The following HIRA variants were observed in gnomAD, a reference collection of about 807,000 sequenced individuals.
HIRA encodes the protein histone cell cycle regulator, also known as protein HIRA.
In HIRA, 13 loss-of-function variants were observed where a neutral mutation model predicts 126.6. That is an observed-to-expected ratio of 0.10 (90% CI 0.07 to 0.16). HIRA has a LOEUF of 0.16. Among genes scored for constraint, HIRA ranks in the 10% least tolerant of loss-of-function variants. The pLI, the probability that HIRA is intolerant of heterozygous loss-of-function variation, is 1.00. For missense variants in HIRA, 834 were observed against 1,314.4 expected (o/e 0.63, Z 5.65); for synonymous variants, 511 against 520.0 (o/e 0.98, Z 0.24).
intron 24 of HIRA, among the ~76,000 whole-genome samples, chr22:19,338,596 T>A (rs1198086801): frequency 6.6e-6 from 1 of 152,094 alleles, no homozygotes; most frequent in African/African-American, 2.4e-5. Context: ...TGGACTCACA[T>A]AAGTTGAGGG....
At chr22:19,337,793 A>G (rs2088582520) in intron 24 of HIRA, among the ~76,000 whole-genome samples, 1 of 151,872 alleles carries the variant, frequency 6.6e-6, no homozygotes, top group Non-Finnish European at 1.5e-5. Context: ...ACGAAAGCCT[A>G]TCGGATTTTT....
At chr22:19,429,420 G>T (rs2089514003) in intron 1 of HIRA, among the ~76,000 whole-genome samples, 1 of 151,994 alleles carries the variant, frequency 6.6e-6, no homozygotes, top group African/African-American at 2.4e-5. Flanking sequence ...ACAGGCATGT[G>T]CCACCGTGCC....
intron 8 of HIRA, among the ~76,000 whole-genome samples, chr22:19,393,952 C>A (rs2089202972): frequency 6.6e-6 from 1 of 152,224 alleles, no homozygotes. Flanking sequence ...CCTGCCGCAG[C>A]AAGATCTGGC....
chr22:19,363,310 A>C (rs535479885), intron 15 of HIRA, among the ~76,000 whole-genome samples: 154 of 138,972 alleles, frequency 1.1e-3, no homozygotes, highest in African/African-American at 4.4e-3. Flanking sequence ...CAAAAGACAA[A>C]GACAGATTAA....
chr22:19,369,354 G>A (rs1453769482), intron 15 of HIRA, among the ~76,000 whole-genome samples: 1 of 152,102 alleles, frequency 6.6e-6, no homozygotes, highest in Non-Finnish European at 1.5e-5. Context: ...CCCAACCACT[G>A]TGACGCACAA....
intron 14 of HIRA, among the ~76,000 whole-genome samples, chr22:19,376,975 C>G (rs1303473209): frequency 6.6e-6 from 1 of 152,228 alleles, no homozygotes; most frequent in Non-Finnish European, 1.5e-5. Context: ...CGTCTCCACT[C>G]TGGGGAAAAG....
intron 22 of HIRA, 143 bp from the exon 23 acceptor site, chr22:19,353,662 G>A: frequency 1.2e-6 from 1 of 853,434 alleles, no homozygotes; most frequent in South Asian, 1.8e-5. Flanking sequence ...CCAGTCTGTT[G>A]GCAGATGCCA....
At chr22:19,369,213 A>G (rs9605999) in intron 15 of HIRA, among the ~76,000 whole-genome samples, 23,826 of 151,978 alleles carry the variant, frequency 0.16, 3,959 homozygotes, top group African/African-American at 0.42. Flanking sequence ...TGGCCTTAGG[A>G]GAGGGTGGAG....
intron 4 of HIRA, 38 bp from the exon 5 acceptor site, chr22:19,405,918 G>T: frequency 7.4e-7 from 1 of 1,350,718 alleles, no homozygotes; most frequent in Non-Finnish European, 9.8e-7. Flanking sequence ...CTCATGGAGT[G>T]CTCTGGGCAC....
intron 24 of HIRA, among the ~76,000 whole-genome samples, chr22:19,350,214 T>C (rs1383090406): frequency 1.3e-5 from 2 of 152,146 alleles, no homozygotes; most frequent in Admixed American, 1.3e-4. Flanking sequence ...TTAGTCTGTC[T>C]CTCTCCATAA....
At chr22:19,357,557 G>A (rs116090758) in intron 18 of HIRA, among the ~76,000 whole-genome samples, 1,538 of 152,344 alleles carry the variant, frequency 0.01, 28 homozygotes, top group African/African-American at 0.034. Flanking sequence ...CAAGGAGTGC[G>A]TTACAGAACA....
intron 5 of HIRA, chr22:19,398,951 A>T (rs1462008123): frequency 5.2e-6 from 1 of 193,794 alleles, no homozygotes; most frequent in East Asian, 1.9e-4. Context: ...GCTGGGCAAC[A>T]GAGTAAGACC....
chr22:19,380,746 T>C (rs891100934), intron 13 of HIRA, among the ~76,000 whole-genome samples: 7 of 152,158 alleles, frequency 4.6e-5, no homozygotes, highest in African/African-American at 1.7e-4. Flanking sequence ...GGGATACAGG[T>C]AGTAGCTACA....
In HIRA at chr22:19,358,009, A is replaced by C. The variant is rs527334400; in HGVS notation, c.2235-958T>G. Among the ~76,000 whole-genome samples, 4 of 152,052 alleles carry C rather than the reference A, an allele frequency of 2.6e-5. No individual in the cohort carries two copies. The East Asian group carries it at 7.8e-4, about 29-fold the overall frequency. On this transcript the variant is annotated intron_variant, in intron 18 of 24. Coordinates refer to ENST00000263208, the MANE Select transcript of HIRA (RefSeq NM_003325.4). ...TCTGCAGTGCTGTGACTGAATTCTT[A>C]TTTTTTCTGAGACAGAGTCTCGGTC...
intron 5 of HIRA, among the ~76,000 whole-genome samples, chr22:19,404,366 T>C (rs1176257768): frequency 6.6e-6 from 1 of 152,198 alleles, no homozygotes; most frequent in African/African-American, 2.4e-5. Context: ...AAGTCCTCAC[T>C]TGAGGCCTAC....
At chr22:19,361,460 G>A in intron 16 of HIRA, 119 bp from the exon 17 acceptor site, 1 of 866,904 alleles carries the variant, frequency 1.2e-6, no homozygotes, top group South Asian at 1.5e-5. Context: ...ACCCTGGGAG[G>A]GAGGAAGCAG....
At chr22:19,359,294 G>A (rs752712842) in intron 18 of HIRA, 42 bp downstream of exon 18, 1 of 1,503,348 alleles carries the variant, frequency 6.7e-7, no homozygotes, top group South Asian at 1.3e-5. Context: ...TGGCATGTGT[G>A]CCTGTGTCAC....
chr22:19,379,628 TA>T (rs753015452), intron 13 of HIRA, among the ~76,000 whole-genome samples: 421 of 130,882 alleles, frequency 3.2e-3, no homozygotes, highest in Middle Eastern at 4.0e-3. Context: ...TCGCCTCAAT[TA>T]AAAAAAAAAA....
intron 12 of HIRA, among the ~76,000 whole-genome samples, chr22:19,384,920 C>T (rs976878121): frequency 3.3e-5 from 5 of 151,988 alleles, no homozygotes; most frequent in African/African-American, 1.2e-4. Context: ...TCCCAAAGTG[C>T]TGGGATTACA....
Sources: gnomAD v4.1 joint callset for allele counts (sites outside exome capture counted in the v4.1 genomes callset) on GRCh38, gnomAD v4.1.1 for gene constraint, MANE v1.5 for transcripts, NCBI Gene and HGNC (gene_info 2026-07-23, HGNC 2026-07-21) for gene names.